The following MOBP variants were observed in gnomAD, a reference collection of about 807,000 sequenced individuals.
The protein encoded by MOBP is myelin-associated oligodendrocyte basic protein.
Under a neutral mutation model 15.0 loss-of-function variants are expected in MOBP, and 5 were observed. That is an observed-to-expected ratio of 0.33 (90% CI 0.17 to 0.70). The LOEUF is 0.70. Among genes scored for constraint, MOBP ranks in the 30% least tolerant of loss-of-function variants. The pLI is 0.67. For missense variants in MOBP, 188 were observed against 257.8 expected (o/e 0.73, Z 1.85); for synonymous variants, 88 against 99.0 (o/e 0.89, Z 0.66).
chr3:39,497,532 G>A (rs956744235), intron 2 of MOBP, among the ~76,000 whole-genome samples: 1 of 152,186 alleles, frequency 6.6e-6, no homozygotes, highest in African/African-American at 2.4e-5. Flanking sequence ...TGTCTAAAGT[G>A]CTTGGGATGC....
chr3:39,529,309 A>G (rs759023900), downstream of MOBP: 1 of 152,252 alleles, frequency 6.6e-6, no homozygotes, highest in Non-Finnish European at 1.5e-5. Flanking sequence ...TAGGAAATAC[A>G]TGAAGAAACA....
intron 2 of MOBP, among the ~76,000 whole-genome samples, chr3:39,498,413 C>T (rs1456579907): frequency 2.0e-5 from 3 of 152,060 alleles, no homozygotes; most frequent in African/African-American, 4.8e-5. Context: ...TGCAGTGGCG[C>T]GACCTCAGCT....
downstream of MOBP, among the ~76,000 whole-genome samples, chr3:39,505,582 T>C (rs571228990): frequency 1.3e-5 from 2 of 152,308 alleles, no homozygotes; most frequent in East Asian, 3.9e-4. Flanking sequence ...TATAGCACAA[T>C]GCTTATGCAG....
At chr3:39,471,131 C>CTT (rs35128158) in intron 1 of MOBP, among the ~76,000 whole-genome samples, 2,071 of 128,942 alleles carry the variant, frequency 0.016, 64 homozygotes, top group African/African-American at 0.053. Flanking sequence ...AAAGAAAAGT[C>CTT]TTTTTTTTTT....
At chr3:39,512,359 A>C (rs934459533) in intron 4 of MOBP, among the ~76,000 whole-genome samples, 13 of 152,192 alleles carry the variant, frequency 8.5e-5, no homozygotes, top group Non-Finnish European at 1.5e-5. Context: ...GTTCGAAAAC[A>C]TGCAGGCTGC....
downstream of MOBP, among the ~76,000 whole-genome samples, chr3:39,517,964 G>T (rs2043223431): frequency 6.6e-6 from 1 of 152,190 alleles, no homozygotes; most frequent in Admixed American, 6.5e-5. Flanking sequence ...GAGGAGAGGG[G>T]AGAAAACAGG....
chr3:39,511,904 G>A (rs2043124021), intron 4 of MOBP, among the ~76,000 whole-genome samples: 1 of 152,158 alleles, frequency 6.6e-6, no homozygotes, highest in Non-Finnish European at 1.5e-5. Context: ...GAAAAGGTTT[G>A]AATCTGAGCT....
chr3:39,484,063 T>C (rs962707292), intron 2 of MOBP, among the ~76,000 whole-genome samples: 1 of 152,204 alleles, frequency 6.6e-6, no homozygotes. Flanking sequence ...CACAGACATA[T>C]AGCCACATTA....
intron 1 of MOBP, among the ~76,000 whole-genome samples, chr3:39,472,042 C>T (rs1414982657): frequency 6.6e-6 from 1 of 152,198 alleles, no homozygotes; most frequent in Non-Finnish European, 1.5e-5. Flanking sequence ...AACTTCAAGT[C>T]CCTACCCCTT....
chr3:39,516,169 G>A (rs554501487), downstream of MOBP, among the ~76,000 whole-genome samples: 1 of 152,304 alleles, frequency 6.6e-6, no homozygotes, highest in East Asian at 1.9e-4. Flanking sequence ...ATTTGCAATT[G>A]TAGATGCAAT....
chr3:39,487,334 T>G (rs561282723), intron 2 of MOBP, among the ~76,000 whole-genome samples: 4 of 152,280 alleles, frequency 2.6e-5, no homozygotes, highest in Admixed American at 2.0e-4. Flanking sequence ...CCTACCAATT[T>G]ATAATAACAT....
At chr3:39,471,580 C>G (rs1313996630) in intron 1 of MOBP, among the ~76,000 whole-genome samples, 1 of 152,184 alleles carries the variant, frequency 6.6e-6, no homozygotes, top group Non-Finnish European at 1.5e-5. Flanking sequence ...ACACCAAACT[C>G]CTCTTGGTAT....
At chr3:39,497,102 A>G (rs1005903372) in intron 2 of MOBP, among the ~76,000 whole-genome samples, 4 of 152,190 alleles carry the variant, frequency 2.6e-5, no homozygotes, top group African/African-American at 9.7e-5. Context: ...CGCACTGGGC[A>G]TATTATTTTC....
chr3:39,508,248 T>C (rs150729549), intron 4 of MOBP, among the ~76,000 whole-genome samples: 12 of 152,374 alleles, frequency 7.9e-5, no homozygotes, highest in Non-Finnish European at 1.5e-4. Context: ...ACTTCATATG[T>C]ATCAGGCTTA....
chr3:39,491,698 G>C (rs1268752011), intron 2 of MOBP, among the ~76,000 whole-genome samples: 1 of 152,178 alleles, frequency 6.6e-6, no homozygotes, highest in Non-Finnish European at 1.5e-5. Context: ...TGAAAAGAGA[G>C]TAGGCTAGAG....
chr3:39,519,535 T>G (rs1387530628), downstream of MOBP, among the ~76,000 whole-genome samples: 2 of 151,132 alleles, frequency 1.3e-5, no homozygotes, highest in African/African-American at 4.9e-5. Context: ...CAATTCTTGT[T>G]AATGTGGGTT....
chr3:39,499,840 A>G (rs1466443263), intron 2 of MOBP: 1 of 345,626 alleles, frequency 2.9e-6, no homozygotes, highest in African/African-American at 2.2e-5. Flanking sequence ...TCTCGGGGGT[A>G]ATGCAATTCA....
At chr3:39,475,880 C>G (rs1004547256) in intron 1 of MOBP, among the ~76,000 whole-genome samples, 3 of 152,136 alleles carry the variant, frequency 2.0e-5, no homozygotes, top group Non-Finnish European at 4.4e-5. Flanking sequence ...CCAGTGTAGC[C>G]TAGTACACTG....
intron 4 of MOBP, among the ~76,000 whole-genome samples, chr3:39,513,203 AT>A (rs2043143333): frequency 1.3e-5 from 2 of 152,226 alleles, no homozygotes; most frequent in South Asian, 2.1e-4. Flanking sequence ...CAAGAAAAAA[AT>A]ATCATATTAT....
Sources: gnomAD v4.1 joint callset for allele counts (sites outside exome capture counted in the v4.1 genomes callset) on GRCh38, gnomAD v4.1.1 for gene constraint, MANE v1.5 for transcripts, NCBI Gene and HGNC (gene_info 2026-07-23, HGNC 2026-07-21) for gene names.